Variants in SLC15A5 observed in about 807,000 individuals in gnomAD.
SLC15A5 encodes the protein solute carrier family 15 member 5.
In SLC15A5, 58 loss-of-function variants were observed where a neutral mutation model predicts 56.1. The observed-to-expected ratio is 1.03, with a 90% confidence interval of 0.84 to 1.29. The LOEUF is 1.29. SLC15A5 is among the 50% of genes most tolerant of loss of function. The probability of loss-of-function intolerance (pLI) is 0.00; values close to 1 mark genes in which losing one functional copy is unlikely to be tolerated. For missense variants in SLC15A5, 681 were observed against 672.1 expected (o/e 1.01, Z -0.15); for synonymous variants, 264 against 250.5 (o/e 1.05, Z -0.51).
At chr12:16,244,197 G>T (rs573199333) in intron 4 of SLC15A5, among the ~76,000 whole-genome samples, 1 of 152,254 alleles carries the variant, frequency 6.6e-6, no homozygotes, top group African/African-American at 2.4e-5. Flanking sequence ...CTACTCGTTA[G>T]TACCACTTTC....
chr12:16,251,471 TAATTAA>T (rs1864517963), intron 3 of SLC15A5, among the ~76,000 whole-genome samples: 1 of 151,690 alleles, frequency 6.6e-6, no homozygotes, highest in Non-Finnish European at 1.5e-5. Context: ...AAGACTCAAA[TAATTAA>T]AATTAGAAAT....
chr12:16,208,070 T>C (rs1348504609), intron 7 of SLC15A5, among the ~76,000 whole-genome samples: 1 of 150,842 alleles, frequency 6.6e-6, no homozygotes, highest in African/African-American at 2.4e-5. Context: ...CTCTCACAGA[T>C]GGCTCACTGC....
intron 6 of SLC15A5, among the ~76,000 whole-genome samples, chr12:16,222,362 C>T (rs1303081597): frequency 6.6e-6 from 1 of 151,908 alleles, no homozygotes; most frequent in Non-Finnish European, 1.5e-5. Context: ...AAAGGTAATA[C>T]TTGATTTTAT....
At chr12:16,260,697 T>C (rs1300049443) in intron 2 of SLC15A5, among the ~76,000 whole-genome samples, 1 of 152,022 alleles carries the variant, frequency 6.6e-6, no homozygotes, top group East Asian at 1.9e-4. Flanking sequence ...CTTTATTGGT[T>C]CATACTTTTT....
Position 16,271,972 on chromosome 12 carries a change from T to G in SLC15A5, c.584+589A>C, listed in dbSNP as rs930905338. On this transcript the variant is annotated intron_variant, in intron 2 of 8. Transcript: ENST00000344941. This position sits in a 1 kb window ranked among gnomAD's most constrained non-coding sequence, Gnocchi z 8.0. ...AGAAACAGAGATGCTGGGTGATGCT[T>G]TAACAAATTGCAAAATACTTCTTTC... Among the ~76,000 whole-genome samples the G allele has an allele frequency of 6.6e-6, 1 of 152,160 alleles. No homozygotes were observed. Among genetic ancestry groups the G allele is most frequent in the Admixed American group, 6.6e-5 (1 of 15,256 alleles).
rs995248395 is a variant in SLC15A5 at position 16,235,782 on chromosome 12, C to G, written c.1162+3899G>C. Among the ~76,000 whole-genome samples the G allele has an allele frequency of 2.0e-5, 3 of 152,084 alleles. No homozygotes were observed. Among genetic ancestry groups the G allele is most frequent in the African/African-American group, 7.2e-5 (3 of 41,442 alleles). ...ATTTTCCCTGAGATAATTGTACTTG[C>G]AATGAAAATAACTGGATCCTTGACT... is the stretch of plus-strand genomic sequence containing the variant. On this transcript the variant is annotated intron_variant, in intron 5 of 8. Transcript: ENST00000344941. The surrounding 1 kb of genome is among the most constrained non-coding windows in gnomAD (Gnocchi z 4.1).
In SLC15A5 at chr12:16,277,615, G is replaced by A. The variant is rs1864833917; in HGVS notation, c.71C>T (p.Thr24Ile). ...HLYHSIEKEKTVRHIGDLCSS... is the reference protein window; with the variant it reads ...HLYHSIEKEKIVRHIGDLCSS... ...ACACAAATCGCCAATATGTCTTACA[G>A]TTTTCTCCTTCTCAATGCTGTGATA... The change falls in exon 1 of 9, where the codon ACT (threonine) becomes ATT (isoleucine). Residue 24 changes from threonine to isoleucine, a missense_variant. Physicochemically the swap from Thr to Ile is moderately conservative, Grantham distance 89. Coordinates refer to ENST00000344941, the MANE Select transcript of SLC15A5 (RefSeq NM_001170798.1). 2 of 1,536,156 alleles carry A rather than the reference G, an allele frequency of 1.3e-6. No homozygotes were observed. Among genetic ancestry groups the A allele is most frequent in the Admixed American group, 3.9e-5 (2 of 50,922 alleles).
Position 16,277,390 on chromosome 12 carries a change from C to T in SLC15A5, c.296G>A (p.Trp99Ter). Residue 99 changes from tryptophan (W) to a stop codon, truncating the protein, a stop_gained, in exon 1 of 9, where the codon TGG (tryptophan) becomes TAG (stop). Coordinates refer to ENST00000344941, the MANE Select transcript of SLC15A5 (RefSeq NM_001170798.1). LOFTEE classifies it high-confidence loss of function. ...TCTTCCTAAATAGACATCAGTGAGCCATCTGACAAACACAGGGGTAAGTAT... is the reference window on the plus strand; with the variant it reads ...TCTTCCTAAATAGACATCAGTGAGCTATCTGACAAACACAGGGGTAAGTAT... ...TSILTPVFVR[W>*]LTDVYLGRNK... The T allele has an allele frequency of 6.5e-7, 1 of 1,536,240 alleles. No individual in the cohort carries two copies. Among genetic ancestry groups the T allele is most frequent in the East Asian group, 2.4e-5 (1 of 40,894 alleles).
Position 16,277,628 on chromosome 12 carries a change from C to G in SLC15A5, c.58G>C (p.Glu20Gln), listed in dbSNP as rs1247224344. 1.3e-6 allele frequency: 2 copies of G among 1,536,078 alleles called. No individual in the cohort carries two copies. Among genetic ancestry groups the G allele is most frequent in the African/African-American group, 2.7e-5 (2 of 72,944 alleles). Reference protein sequence around the residue: ...DEKVHLYHSIEKEKTVRHIGD... With the variant: ...DEKVHLYHSIQKEKTVRHIGD... Reference sequence around the variant, plus strand: ...ATATGTCTTACAGTTTTCTCCTTCTCAATGCTGTGATATAAGTGTACTTTC... The same window carrying G: ...ATATGTCTTACAGTTTTCTCCTTCTGAATGCTGTGATATAAGTGTACTTTC... Residue 20 changes from glutamate to glutamine, a missense_variant, in exon 1 of 9, where the codon GAG becomes CAG. Physicochemically the swap from Glu to Gln is conservative, Grantham distance 29. Transcript: ENST00000344941.
At chr12:16,255,169 A>C (rs148544640) in intron 3 of SLC15A5, among the ~76,000 whole-genome samples, 7 of 152,276 alleles carry the variant, frequency 4.6e-5, no homozygotes, top group Non-Finnish European at 1.0e-4. Context: ...GCCTGAGCTG[A>C]AAATTACATG....
At chr12:16,222,828 C>G (rs1864201034) in intron 6 of SLC15A5, among the ~76,000 whole-genome samples, 2 of 152,168 alleles carry the variant, frequency 1.3e-5, no homozygotes, top group South Asian at 2.1e-4. Context: ...TTACTCTATA[C>G]CAGCCCAGAA....
At chr12:16,248,742 A>C (rs965165344) in intron 3 of SLC15A5, among the ~76,000 whole-genome samples, 2 of 152,086 alleles carry the variant, frequency 1.3e-5, no homozygotes, top group Admixed American at 1.3e-4. Context: ...TTTGGGTGTC[A>C]TGTAGGCTCA....
chr12:16,265,542 G>T (rs1299516688), intron 2 of SLC15A5, among the ~76,000 whole-genome samples: 1 of 152,146 alleles, frequency 6.6e-6, no homozygotes, highest in Non-Finnish European at 1.5e-5. Flanking sequence ...ACAGTAGCAT[G>T]ACCTTGACTC....
chr12:16,261,865 C>G (rs1364765273), intron 2 of SLC15A5, among the ~76,000 whole-genome samples: 1 of 152,090 alleles, frequency 6.6e-6, no homozygotes, highest in Non-Finnish European at 1.5e-5. Context: ...AATTTCTGTC[C>G]TTATGTATTC....
chr12:16,191,784 A>G (rs996985859), intron 8 of SLC15A5, among the ~76,000 whole-genome samples: 4 of 152,076 alleles, frequency 2.6e-5, no homozygotes, highest in African/African-American at 9.7e-5. Context: ...CCAAGGCAGC[A>G]TGTGCTTTGG....
chr12:16,251,779 C>G, intron 3 of SLC15A5, among the ~76,000 whole-genome samples: 1 of 80,882 alleles, frequency 1.2e-5, no homozygotes. Flanking sequence ...TTCAACTCTT[C>G]CAAAGACTCT....
chr12:16,232,265 A>C (rs1864306416), intron 5 of SLC15A5, among the ~76,000 whole-genome samples: 1 of 152,194 alleles, frequency 6.6e-6, no homozygotes, highest in Admixed American at 6.5e-5. Context: ...AAGTCAAAGA[A>C]ATTTCCAAAA....
At chr12:16,226,759 G>A (rs1431667391) in intron 5 of SLC15A5, among the ~76,000 whole-genome samples, 4 of 152,082 alleles carry the variant, frequency 2.6e-5, no homozygotes, top group Non-Finnish European at 5.9e-5. Flanking sequence ...GTTTTTTGTT[G>A]AAATTGAGTA....
At chr12:16,244,088 C>G (rs1864438650) in intron 4 of SLC15A5, among the ~76,000 whole-genome samples, 1 of 152,118 alleles carries the variant, frequency 6.6e-6, no homozygotes, top group Non-Finnish European at 1.5e-5. Context: ...GAACGAATTC[C>G]CCAAGGAACT....
Sources: allele counts gnomAD v4.1 joint callset (sites outside exome capture counted in the v4.1 genomes callset), GRCh38; gene constraint gnomAD v4.1.1; non-coding constraint Gnocchi (gnomAD v3.1); transcripts MANE v1.5; gene names NCBI Gene and HGNC (gene_info 2026-07-23, HGNC 2026-07-21).